The following ITGAE variants were observed in gnomAD, a reference collection of about 807,000 sequenced individuals.
The protein encoded by ITGAE is integrin alpha-E.
Under a neutral mutation model 136.5 loss-of-function variants are expected in ITGAE, and 99 were observed. The ratio of observed to expected loss-of-function variants is 0.73; its 90% CI spans 0.62 to 0.86. ITGAE has a LOEUF of 0.86. Ranked by LOEUF, ITGAE falls within the 40% of genes least tolerant of loss-of-function variation. The pLI, the probability that ITGAE is intolerant of heterozygous loss-of-function variation, is 0.00. For missense variants in ITGAE, 1,447 were observed against 1,515.3 expected (o/e 0.95, Z 0.75); for synonymous variants, 613 against 591.8 (o/e 1.04, Z -0.52).
At chr17:3,787,134 T>C (rs1344564100) in intron 1 of ITGAE, among the ~76,000 whole-genome samples, 3 of 151,400 alleles carry the variant, frequency 2.0e-5, no homozygotes, top group Non-Finnish European at 4.4e-5. Context: ...TTTTTTGAGA[T>C]GGAGTCTCAC....
chr17:3,755,446 C>G (rs965848943), intron 11 of ITGAE, among the ~76,000 whole-genome samples, 185 bp from the exon 12 acceptor site: 19 of 152,330 alleles, frequency 1.2e-4, no homozygotes, highest in African/African-American at 4.1e-4. Flanking sequence ...GCTCCTGCCT[C>G]GTGCCCTTGC....
chr17:3,715,350 A>C (rs1322307020), intron 30 of ITGAE, among the ~76,000 whole-genome samples: 1 of 152,186 alleles, frequency 6.6e-6, no homozygotes, highest in African/African-American at 2.4e-5. Flanking sequence ...AGATAATTAC[A>C]ACACAGTGTG....
At chr17:3,778,779 T>C (rs974351895) in intron 1 of ITGAE, among the ~76,000 whole-genome samples, 2 of 152,190 alleles carry the variant, frequency 1.3e-5, no homozygotes, top group African/African-American at 4.8e-5. Flanking sequence ...ACTAATTCTT[T>C]CACCATAAAC....
At chr17:3,738,005 C>T (rs527638055) in intron 20 of ITGAE, among the ~76,000 whole-genome samples, 7 of 152,166 alleles carry the variant, frequency 4.6e-5, no homozygotes, top group African/African-American at 7.2e-5. Context: ...GATTCCAGAG[C>T]ATTTGAAAGT....
Position 3,724,136 on chromosome 17 carries a change from C to A in ITGAE, c.3085-392G>T, listed in dbSNP as rs755898153. The A allele has an allele frequency of 5.1e-5, 81 of 1,595,436 alleles. No homozygotes were observed. Among genetic ancestry groups the A allele is most frequent in the Non-Finnish European group, 6.7e-5 (79 of 1,177,432 alleles). ...AGTCCGACGATCCTGACGATCCCGA[C>A]GACCCCGACTTCCCCGGCAGCCCGG... On this transcript the variant is annotated intron_variant, in intron 26 of 30. Transcript: ENST00000263087.
chr17:3,800,936 A>T lies in ITGAE; in HGVS notation c.34+175T>A, dbSNP rs73974126. Among the ~76,000 whole-genome samples the T allele has an allele frequency of 0.019, 2,951 of 152,198 alleles. 84 individuals are homozygous for T. Among genetic ancestry groups the T allele is most frequent in the African/African-American group, 0.066 (2,729 of 41,514 alleles). ...GAAGCCTCAGCCGCCCTTCCCAACAAGCCTGGGGCCCTGACCCACCGAGCA... is the reference window on the plus strand; with the variant it reads ...GAAGCCTCAGCCGCCCTTCCCAACATGCCTGGGGCCCTGACCCACCGAGCA... On this transcript the variant is annotated intron_variant, in intron 1 of 30. Transcript: ENST00000263087.
rs2050951476 is a variant in ITGAE at position 3,716,784 on chromosome 17, G to C, written c.3348C>G (p.Phe1116Leu). The C allele has an allele frequency of 6.3e-7, 1 of 1,587,888 alleles. No individual in the cohort carries two copies. The highest frequency in any genetic ancestry group is 1.7e-4 in the Middle Eastern group (1 of 6,024). The part of the protein sequence containing the change: ...ENHRTKITVV[F>L]LKDEKYHSLP... ...AAGAATGGTACTTCTCATCTTTCAG[G>C]AAGACGACAGTGATCTAGACAAGAC... Residue 1116 changes from phenylalanine (F) to leucine (L), a missense_variant, in exon 30 of 31, where the codon TTC (phenylalanine) becomes TTG (leucine). Phe to Leu is a conservative substitution (Grantham distance 22, BLOSUM62 0). This residue lies in a region of ITGAE where 1,031 missense variants were observed against 1,011.4 expected (regional missense o/e 1.02). Coordinates refer to ENST00000263087, the MANE Select transcript of ITGAE (RefSeq NM_002208.5).
At chr17:3,767,703 A>T (rs1026212125) in intron 2 of ITGAE, among the ~76,000 whole-genome samples, 4 of 152,138 alleles carry the variant, frequency 2.6e-5, no homozygotes, top group African/African-American at 9.7e-5. Context: ...AGCTCACTGC[A>T]GCCTTGACCT....
intron 1 of ITGAE, among the ~76,000 whole-genome samples, chr17:3,789,087 A>C (rs1008707903): frequency 9.9e-5 from 15 of 152,000 alleles, no homozygotes; most frequent in African/African-American, 3.6e-4. Context: ...TTCTACAAAA[A>C]AATTAAAAAA....
In ITGAE at chr17:3,753,397, C is replaced by T. The variant is rs2051919315; in HGVS notation, c.1561G>A (p.Val521Met). 1.2e-6 allele frequency: 2 copies of T among 1,614,104 alleles called. No homozygotes were observed. The highest frequency in any genetic ancestry group is 1.3e-5 in the African/African-American group (1 of 74,932). The change falls in exon 14 of 31, where the codon GTG (valine) becomes ATG (methionine). Residue 521 changes from valine (V) to methionine (M), a missense_variant. By Grantham distance (21) the Val-to-Met change is conservative. This residue lies in a region of ITGAE where 1,031 missense variants were observed against 1,011.4 expected (regional missense o/e 1.02). Transcript: ENST00000263087. ...GSYFGSELCP[V>M]DIDMDGSTDF... is the part of the protein sequence containing the mutation. ...GTGCTTCCATCCATGTCAATGTCCA[C>T]AGGGCACAGCTCAGAGCCAAAATAG...
Position 3,777,636 on chromosome 17 carries a change from TTGAAAGCGGCCAGCAGGGCCAGGCCTG to T in ITGAE, c.35-3_58del. 6.2e-7 allele frequency: 1 copy of T among 1,613,502 alleles called. No individual in the cohort carries two copies. Among genetic ancestry groups the T allele is most frequent in the Non-Finnish European group, 8.5e-7 (1 of 1,179,746 alleles). On this transcript the variant is annotated splice_acceptor_variant and splice_polypyrimidine_tract_variant and coding_sequence_variant and intron_variant, in exon 2 of 31. Coordinates refer to ENST00000263087, the MANE Select transcript of ITGAE (RefSeq NM_002208.5). LOFTEE classifies it high-confidence loss of function. Reference sequence around the variant, plus strand: ...GAGCCAGGGCCGGGCCACATCCACATTGAAAGCGGCCAGCAGGGCCAGGCCTGTAGGGAAAAGAGGAGCGTTTAATGA... The same window carrying T: ...GAGCCAGGGCCGGGCCACATCCACATTAGGGAAAAGAGGAGCGTTTAATGA...
At chr17:3,780,185 T>A (rs2052634010) in intron 1 of ITGAE, among the ~76,000 whole-genome samples, 1 of 150,820 alleles carries the variant, frequency 6.6e-6, no homozygotes, top group Non-Finnish European at 1.5e-5. Flanking sequence ...TTTTTTTTTT[T>A]TTGGAAATGG....
chr17:3,801,104 G>C lies in ITGAE; in HGVS notation c.34+7C>G. The C allele has an allele frequency of 1.2e-6, 2 of 1,612,992 alleles. No homozygotes were observed. The highest frequency in any genetic ancestry group is 1.7e-6 in the Non-Finnish European group (2 of 1,180,000). On this transcript the variant is annotated splice_region_variant and intron_variant, in intron 1 of 30. Coordinates refer to ENST00000263087, the MANE Select transcript of ITGAE (RefSeq NM_002208.5). ...AGCCCCTCGAAGCAGCGGGTGAGAG[G>C]ACTTACTGGCTATGCAGAGCAGAGT...
At chr17:3,770,206 G>C (rs939039159) in intron 2 of ITGAE, among the ~76,000 whole-genome samples, 3 of 148,428 alleles carry the variant, frequency 2.0e-5, no homozygotes, top group Non-Finnish European at 4.4e-5. Flanking sequence ...TGCAACCTCT[G>C]CCTCCTGGGT....
In ITGAE at chr17:3,755,249, G is replaced by T; in HGVS notation, c.1252C>A (p.Leu418Ile). ...CAGTCAAAGGCCCCGACGGCGCCGA[G>T]CAGCACCTGCCGCTGAAGGGGACGG... ...AQILDERQVL[L>I]GAVGAFDWSG... The change falls in exon 12 of 31, where the codon CTC becomes ATC. Residue 418 changes from leucine (L) to isoleucine (I), a missense_variant. By Grantham distance (5) the Leu-to-Ile change is conservative. Coordinates refer to ENST00000263087, the MANE Select transcript of ITGAE (RefSeq NM_002208.5). The T allele has an allele frequency of 6.3e-7, 1 of 1,575,256 alleles. No individual in the cohort carries two copies.
At chr17:3,753,540 T>C in intron 13 of ITGAE, 110 bp from the exon 14 acceptor site, 1 of 1,365,864 alleles carries the variant, frequency 7.3e-7, no homozygotes, top group East Asian at 2.3e-5. Context: ...GGTCGTTACA[T>C]ATCAATTTGC....
chr17:3,740,269 G>A (rs780650123), intron 19 of ITGAE, among the ~76,000 whole-genome samples: 2 of 152,220 alleles, frequency 1.3e-5, no homozygotes, highest in Non-Finnish European at 2.9e-5. Context: ...AGTCCTTTCG[G>A]ATATAGGCAG....
chr17:3,753,986 G>C (rs2051939471), intron 12 of ITGAE, 61 bp from the exon 13 acceptor site: 21 of 1,571,506 alleles, frequency 1.3e-5, no homozygotes, highest in Non-Finnish European at 1.8e-5. Context: ...CTCTCTCTTG[G>C]CCCCGGCACC....
chr17:3,730,553 C>A (rs1422736116), intron 23 of ITGAE: 4 of 152,758 alleles, frequency 2.6e-5, no homozygotes, highest in African/African-American at 9.7e-5. Context: ...TTTAAAAGGG[C>A]TTCTCAGCCT....
Sources: allele counts gnomAD v4.1 joint callset (sites outside exome capture counted in the v4.1 genomes callset), GRCh38; gene constraint gnomAD v4.1.1; regional missense constraint gnomAD v4.1.1; transcripts MANE v1.5; gene names NCBI Gene and HGNC (gene_info 2026-07-23, HGNC 2026-07-21).